The following DESI1 variants were observed in gnomAD, a reference collection of about 807,000 sequenced individuals.
The protein encoded by DESI1 is desumoylating isopeptidase 1.
A neutral mutation model predicts 22.4 loss-of-function variants in DESI1; 17 were observed. The ratio of observed to expected loss-of-function variants is 0.76; its 90% CI spans 0.52 to 1.14. DESI1 has a LOEUF of 1.14. Among genes scored for constraint, DESI1 ranks in the 50% most tolerant of loss-of-function variants. The pLI is 0.00. For synonymous variants in DESI1, 92 were observed against 84.2 expected (o/e 1.09, Z -0.51); for missense variants, 177 against 208.9 (o/e 0.85, Z 0.94).
rs1279035403 is a variant in DESI1 at position 41,599,514 on chromosome 22, C to G, written c.*1583G>C. The G allele has an allele frequency of 2.0e-5, 3 of 152,152 alleles. No individual in the cohort carries two copies. The highest frequency in any genetic ancestry group is 7.2e-5 in the African/African-American group (3 of 41,442). The allele number at this position is 152,152 out of a possible 1,614,324, so 9.4% of individuals were successfully genotyped here. On this transcript the variant is annotated 3_prime_UTR_variant, in exon 6 of 6. Transcript: ENST00000263256. Reference sequence around the variant, plus strand: ...AAACACATTTAGGATAAGGGAAAGTCCCTATCAGAAACGATTCTAAATTTT... The same window carrying G: ...AAACACATTTAGGATAAGGGAAAGTGCCTATCAGAAACGATTCTAAATTTT...
chr22:41,620,895 G>C lies in DESI1; in HGVS notation c.-56C>G. 1 of 1,564,936 alleles carries C rather than the reference G, an allele frequency of 6.4e-7. No homozygotes were observed. The highest frequency in any genetic ancestry group is 8.7e-7 in the Non-Finnish European group (1 of 1,154,212). On this transcript the variant is annotated 5_prime_UTR_variant, in exon 1 of 6. Transcript: ENST00000263256. ...CCCTCGGGCACCCGGCAGCGGCTTG[G>C]ACCTTCCCGTACCCGACGGGAGTGC...
intron 1 of DESI1, among the ~76,000 whole-genome samples, chr22:41,619,208 A>G (rs1208420409): frequency 6.6e-6 from 1 of 152,262 alleles, no homozygotes; most frequent in East Asian, 1.9e-4. Context: ...ATCCCTGTCA[A>G]ATAATGGGTT....
chr22:41,614,212 AT>A (rs1434688333), intron 1 of DESI1, among the ~76,000 whole-genome samples: 2 of 149,696 alleles, frequency 1.3e-5, no homozygotes, highest in Admixed American at 6.7e-5. Flanking sequence ...AATTTTTTGT[AT>A]TTTTAGTAGA....
At chr22:41,601,696 T>C (rs1043208836) in intron 5 of DESI1, among the ~76,000 whole-genome samples, 9 of 152,098 alleles carry the variant, frequency 5.9e-5, no homozygotes, top group Non-Finnish European at 1.0e-4. Context: ...AAATGACAAA[T>C]GCTAGGTTGC....
At chr22:41,609,413 T>C (rs1342345984) in intron 1 of DESI1, among the ~76,000 whole-genome samples, 1 of 152,230 alleles carries the variant, frequency 6.6e-6, no homozygotes, top group Non-Finnish European at 1.5e-5. Context: ...CAGTATGTGA[T>C]ATACAGATGT....
chr22:41,617,407 T>C (rs539890612), intron 1 of DESI1, among the ~76,000 whole-genome samples: 1 of 152,322 alleles, frequency 6.6e-6, no homozygotes, highest in African/African-American at 2.4e-5. Flanking sequence ...TCTCAATAAA[T>C]AGTGGCTATT....
intron 4 of DESI1, among the ~76,000 whole-genome samples, chr22:41,603,786 G>A (rs963344639): frequency 6.6e-6 from 1 of 152,204 alleles, no homozygotes; most frequent in Admixed American, 6.5e-5. Context: ...AGCGCTTGCC[G>A]ATTTTAATCA....
chr22:41,613,603 G>T (rs1367446575), intron 1 of DESI1, among the ~76,000 whole-genome samples: 3 of 152,218 alleles, frequency 2.0e-5, no homozygotes, highest in Admixed American at 2.0e-4. Flanking sequence ...TGTTTAGTTA[G>T]CTTTGTTGGT....
rs1277088331 is a variant in DESI1, at chr22:41,599,281, G to C, written c.*1816C>G. 6.6e-6 allele frequency: 1 copy of C among 152,194 alleles called. No individual in the cohort carries two copies. Among genetic ancestry groups the C allele is most frequent in the Admixed American group, 6.6e-5 (1 of 15,266 alleles). The allele number at this position is 152,194 out of a possible 1,614,324, so 9.4% of individuals were successfully genotyped here. A position where few individuals can be genotyped will look rare whatever the true frequency, so the allele number is the denominator to read the frequency against. ...TGAGACTCGGGTACCTGGCAGCTCT[G>C]AGTCCCTTCTTCATGCTCACTTTCC... is the stretch of plus-strand genomic sequence containing the variant. On this transcript the variant is annotated 3_prime_UTR_variant, in exon 6 of 6. Transcript: ENST00000263256.
At chr22:41,603,968 A>G in intron 4 of DESI1, 76 bp downstream of exon 4, 1 of 1,336,060 alleles carries the variant, frequency 7.5e-7, no homozygotes, top group African/African-American at 1.5e-5. Context: ...ATGATATGAC[A>G]TGGCAGCTGC....
Position 41,600,942 on chromosome 22 carries a change from A to G in DESI1, c.*155T>C. The G allele has an allele frequency of 1.5e-6, 1 of 668,910 alleles. No homozygotes were observed. The highest frequency in any genetic ancestry group is 2.6e-5 in the Admixed American group (1 of 38,000). The allele number at this position is 668,910 out of a possible 1,614,324, so 41.4% of individuals were successfully genotyped here. A position where few individuals can be genotyped will look rare whatever the true frequency, so the allele number is the denominator to read the frequency against. On this transcript the variant is annotated 3_prime_UTR_variant, in exon 6 of 6. Transcript: ENST00000263256. ...GTTCTGTTTCTTAGCAGCATTGTCT[A>G]CATGCGGCCTGACGGTCTCCTTCCC... is the stretch of plus-strand genomic sequence containing the variant.
chr22:41,604,635 T>G (rs10427686), intron 3 of DESI1, among the ~76,000 whole-genome samples: 10,157 of 152,112 alleles, frequency 0.067, 1,096 homozygotes, highest in African/African-American at 0.23. Flanking sequence ...TTAGAAGCAT[T>G]GGTGTCCAAT....
At chr22:41,614,117 AC>A (rs1196105829) in intron 1 of DESI1, among the ~76,000 whole-genome samples, 1 of 151,174 alleles carries the variant, frequency 6.6e-6, no homozygotes, top group Non-Finnish European at 1.5e-5. Flanking sequence ...GCTCACTACA[AC>A]CCCCGCCTCC....
At chr22:41,605,744 A>T (rs2067475485) in intron 3 of DESI1, among the ~76,000 whole-genome samples, 1 of 152,180 alleles carries the variant, frequency 6.6e-6, no homozygotes, top group African/African-American at 2.4e-5. Context: ...AGGGAAGGGA[A>T]ACTGAAAAAT....
rs10523372 is a variant in DESI1 at position 41,614,590 on chromosome 22, C to CTTTTTTTTTTTTTTTTTTT, written c.88+6161_88+6162insAAAAAAAAAAAAAAAAAAA. ...TGAGCTACTGTGCCCGGCCTACATCCTTTTTTTTTTTTGAGATGGAGTCTC... is the reference window on the plus strand; with the variant it reads ...TGAGCTACTGTGCCCGGCCTACATCCTTTTTTTTTTTTTTTTTTTTTTTTTTTTTTTGAGATGGAGTCTC... On this transcript the variant is annotated intron_variant, in intron 1 of 5. Coordinates refer to ENST00000263256, the MANE Select transcript of DESI1 (RefSeq NM_015704.3). 9.3e-5 allele frequency among the ~76,000 whole-genome samples: 8 copies of CTTTTTTTTTTTTTTTTTTT among 85,724 alleles called. 1 individual carries two copies. Among genetic ancestry groups the CTTTTTTTTTTTTTTTTTTT allele is most frequent in the Non-Finnish European group, 1.5e-4 (7 of 46,166 alleles). 56.2% of individuals were successfully genotyped at this position (85,724 alleles called of 152,430 possible).
In DESI1 at chr22:41,620,935, G is replaced by A. The variant is rs1372334562; in HGVS notation, c.-96C>T. On this transcript the variant is annotated 5_prime_UTR_variant, in exon 1 of 6. Transcript: ENST00000263256. ...GACGGGAGTGCGAAGCGGAGGGAGA[G>A]GGGGGGACCGAGCCCGGGCCCGGGC... The A allele has an allele frequency of 2.8e-6, 4 of 1,406,898 alleles. No individual in the cohort carries two copies. Among genetic ancestry groups the A allele is most frequent in the East Asian group, 2.6e-5 (1 of 38,910 alleles). The allele number at this position is 1,406,898 out of a possible 1,614,324, so 87.2% of individuals were successfully genotyped here. A position where few individuals can be genotyped will look rare whatever the true frequency, so the allele number is the denominator to read the frequency against.
At position 41,618,295 on chromosome 22, in the gene DESI1, A is replaced by C. The variant is rs554742298; in HGVS notation, c.88+2457T>G. Among the ~76,000 whole-genome samples, 257 of 151,476 alleles carry C rather than the reference A, an allele frequency of 1.7e-3. 2 individuals are homozygous for C. Among genetic ancestry groups the C allele is most frequent in the Non-Finnish European group, 2.3e-3 (158 of 67,888 alleles). ...GGAGAATCACTTGAACCTGGGAGGCAGAGGTTGCAGTGAGCTGAGATCACC... is the reference window on the plus strand; with the variant it reads ...GGAGAATCACTTGAACCTGGGAGGCCGAGGTTGCAGTGAGCTGAGATCACC... On this transcript the variant is annotated intron_variant, in intron 1 of 5. Transcript: ENST00000263256.
At chr22:41,610,820 C>T (rs73422941) in intron 1 of DESI1, among the ~76,000 whole-genome samples, 10,087 of 150,284 alleles carry the variant, frequency 0.067, 1,089 homozygotes, top group African/African-American at 0.23. Flanking sequence ...TTGCGACGAG[C>T]TGAGATGGCG....
rs1320980356 is a variant in DESI1 at position 41,599,968 on chromosome 22, C to T, written c.*1129G>A. 1 of 151,836 alleles carries T rather than the reference C, an allele frequency of 6.6e-6. No individual in the cohort carries two copies. The highest frequency in any genetic ancestry group is 1.5e-5 in the Non-Finnish European group (1 of 67,952). 9.4% of individuals were successfully genotyped at this position (151,836 alleles called of 1,614,324 possible). A position where few individuals can be genotyped will look rare whatever the true frequency, so the allele number is the denominator to read the frequency against. On this transcript the variant is annotated 3_prime_UTR_variant, in exon 6 of 6. Coordinates refer to ENST00000263256, the MANE Select transcript of DESI1 (RefSeq NM_015704.3). ...CCAAGGGAGGTGGATCACCCGAGGT[C>T]AGGAGTTCCAGACCAGCCTGGCCAA...
Sources: allele counts gnomAD v4.1 joint callset (sites outside exome capture counted in the v4.1 genomes callset), GRCh38; gene constraint gnomAD v4.1.1; transcripts MANE v1.5; gene names NCBI Gene and HGNC (gene_info 2026-07-23, HGNC 2026-07-21).